DSE: variants seen among roughly 807,000 people sequenced by gnomAD.
DSE encodes dermatan-sulfate epimerase.
DSE carries 36 observed loss-of-function variants against 84.4 expected under a neutral mutation model. That is an observed-to-expected ratio of 0.43 (90% CI 0.33 to 0.56). DSE has a LOEUF of 0.56. Among genes scored for constraint, DSE ranks in the 20% least tolerant of loss-of-function variants. DSE has a pLI of 0.06. For synonymous variants in DSE, 410 were observed against 430.1 expected (o/e 0.95, Z 0.58); for missense variants, 862 against 1,169.6 (o/e 0.74, Z 3.84).
intron 2 of DSE, among the ~76,000 whole-genome samples, chr6:116,346,078 G>A (rs1293861424): frequency 6.6e-6 from 1 of 152,168 alleles, no homozygotes; most frequent in African/African-American, 2.4e-5. Context: ...GGAAGAAGTT[G>A]AATCCCTGAA....
chr6:116,345,532 G>A (rs568931049), intron 2 of DSE, among the ~76,000 whole-genome samples: 14 of 152,104 alleles, frequency 9.2e-5, no homozygotes, highest in Non-Finnish European at 1.6e-4. Flanking sequence ...GGTACATAAC[G>A]AAATGAAGGC....
At chr6:116,407,436 A>G (rs1224683965) in intron 2 of DSE, among the ~76,000 whole-genome samples, 2 of 152,194 alleles carry the variant, frequency 1.3e-5, no homozygotes, top group Non-Finnish European at 2.9e-5. Flanking sequence ...TGCCAACTGT[A>G]TGGACAGATG....
At chr6:116,427,345 C>G (rs942120030) in intron 3 of DSE, among the ~76,000 whole-genome samples, 28 of 152,168 alleles carry the variant, frequency 1.8e-4, no homozygotes, top group African/African-American at 6.7e-4. Context: ...GCATAATTGC[C>G]AATAATACAT....
chr6:116,436,761 C>G lies in DSE; in HGVS notation c.2293C>G (p.Arg765Gly). 1 of 1,614,080 alleles carries G rather than the reference C, an allele frequency of 6.2e-7. No individual in the cohort carries two copies. The highest frequency in any genetic ancestry group is 1.3e-5 in the African/African-American group (1 of 75,020). ...GGAGAAGCAGATACTGTCCCGAGTC[C>G]GGAACACAGCTAGCTTTAGGAAGAC... is the stretch of plus-strand genomic sequence containing the variant. Reference protein sequence around the residue: ...LLEKQILSRVRNTASFRKTAE... With the variant: ...LLEKQILSRVGNTASFRKTAE... Residue 765 changes from arginine to glycine, a missense_variant, in exon 6 of 6, where the codon CGG becomes GGG. By Grantham distance (125) the Arg-to-Gly change is moderately radical. Around this residue, in one of 4 missense-constraint regions of DSE, gnomAD observed 315 missense variants for 348.1 expected, o/e 0.90. Coordinates refer to ENST00000644252, the MANE Select transcript of DSE (RefSeq NM_013352.4).
chr6:116,316,826 C>CTATTATTATTATCATTAT, intron 2 of DSE, among the ~76,000 whole-genome samples: 1 of 145,868 alleles, frequency 6.9e-6, no homozygotes, highest in Admixed American at 6.9e-5. Flanking sequence ...ACTACTACTA[C>CTATTATTATTATCATTAT]TATTATTATT....
At chr6:116,352,170 A>G (rs1778345532) in intron 2 of DSE, among the ~76,000 whole-genome samples, 1 of 152,204 alleles carries the variant, frequency 6.6e-6, no homozygotes, top group Non-Finnish European at 1.5e-5. Context: ...ATGTCTAGCT[A>G]TAACATTTCT....
chr6:116,353,532 T>A (rs754776761), intron 2 of DSE, among the ~76,000 whole-genome samples: 1 of 152,204 alleles, frequency 6.6e-6, no homozygotes, highest in African/African-American at 2.4e-5. Context: ...CTAGCTACCA[T>A]TGAGCATTTA....
intron 1 of DSE, chr6:116,255,511 A>G (rs187994291): frequency 6.6e-6 from 1 of 152,362 alleles, no homozygotes; most frequent in Non-Finnish European, 1.5e-5. Flanking sequence ...CAGTTATCCC[A>G]TAAGAAATAT....
chr6:116,435,467 T>A (rs1784086527), intron 5 of DSE, 120 bp from the exon 6 acceptor site: 1 of 977,506 alleles, frequency 1.0e-6, no homozygotes, highest in Non-Finnish European at 1.5e-6. Flanking sequence ...TTGTCCCTAA[T>A]ATACTCTGCA....
chr6:116,274,972 CA>C (rs1435533729), intron 2 of DSE, among the ~76,000 whole-genome samples: 2 of 152,158 alleles, frequency 1.3e-5, no homozygotes, highest in Admixed American at 6.5e-5. Context: ...CCACATTAAA[CA>C]ATGGCAAAAT....
At chr6:116,355,162 G>A (rs555388956) in intron 2 of DSE, among the ~76,000 whole-genome samples, 7 of 152,118 alleles carry the variant, frequency 4.6e-5, no homozygotes, top group South Asian at 2.1e-4. Context: ...TCACACATAC[G>A]TGCATATATT....
upstream of DSE, chr6:116,370,072 C>A: frequency 1.3e-6 from 1 of 770,596 alleles, no homozygotes; most frequent in Non-Finnish European, 1.9e-6. Flanking sequence ...CTGGTTGGAC[C>A]TGGCTGAGCG....
chr6:116,294,413 T>A (rs373322447), intron 2 of DSE, among the ~76,000 whole-genome samples: 1 of 152,222 alleles, frequency 6.6e-6, no homozygotes, highest in South Asian at 2.1e-4. Context: ...TAATCAGAAT[T>A]GTATTGACAG....
At chr6:116,339,859 AAG>A (rs1187790016) in intron 2 of DSE, among the ~76,000 whole-genome samples, 2 of 152,264 alleles carry the variant, frequency 1.3e-5, no homozygotes, top group African/African-American at 4.8e-5. Flanking sequence ...AACATCCACA[AAG>A]AGGTTATTAA....
intron 2 of DSE, among the ~76,000 whole-genome samples, chr6:116,408,104 A>G (rs929794448): frequency 2.0e-5 from 3 of 152,096 alleles, no homozygotes; most frequent in African/African-American, 4.8e-5. Context: ...ATCCAACCCA[A>G]TTCCTATAGT....
intron 1 of DSE, among the ~76,000 whole-genome samples, chr6:116,374,097 G>A (rs182106720): frequency 1.5e-4 from 22 of 151,516 alleles, no homozygotes; most frequent in African/African-American, 5.3e-4. Context: ...TACCTTTACC[G>A]ATTGTGTTGC....
intron 1 of DSE, among the ~76,000 whole-genome samples, chr6:116,394,194 G>A (rs1391655733): frequency 1.3e-5 from 2 of 152,192 alleles, no homozygotes; most frequent in Non-Finnish European, 2.9e-5. Context: ...AAAGCATTTA[G>A]GATCACAGAA....
At chr6:116,348,081 C>G (rs1174049029) in intron 2 of DSE, among the ~76,000 whole-genome samples, 1 of 152,162 alleles carries the variant, frequency 6.6e-6, no homozygotes, top group South Asian at 2.1e-4. Flanking sequence ...AAATGCAAAT[C>G]AAAACCACAA....
At chr6:116,371,945 T>TC (rs1301175396) in intron 1 of DSE, among the ~76,000 whole-genome samples, 1 of 152,226 alleles carries the variant, frequency 6.6e-6, no homozygotes, top group Non-Finnish European at 1.5e-5. Context: ...TTGGTTAAAA[T>TC]CAGGAGGTGA....
Sources: gnomAD v4.1 joint callset for allele counts (sites outside exome capture counted in the v4.1 genomes callset) on GRCh38, gnomAD v4.1.1 for gene constraint, gnomAD v4.1.1 regional missense constraint, MANE v1.5 for transcripts, NCBI Gene and HGNC (gene_info 2026-07-23, HGNC 2026-07-21) for gene names.